Variants in MSN observed in about 807,000 individuals in gnomAD.
The protein encoded by MSN is moesin, also known as epididymis luminal protein 70.
In MSN, 2 loss-of-function variants were observed where a neutral mutation model predicts 48.0. The observed-to-expected ratio is 0.04, with a 90% confidence interval of 0.02 to 0.13. MSN has a LOEUF of 0.13. Ranked by LOEUF, MSN falls within the 10% of genes least tolerant of loss-of-function variation. The pLI, the probability that MSN is intolerant of heterozygous loss-of-function variation, is 1.00. For synonymous variants in MSN, 146 were observed against 166.9 expected, an observed-to-expected ratio of 0.87 and a Z score of 0.97; for missense variants, 267 against 470.1, an observed-to-expected ratio of 0.57 and a Z score of 3.99.
chrX:65,628,078 C>T (rs1476535240), intron 1 of MSN, among the ~76,000 whole-genome samples: 1 of 112,372 alleles, frequency 8.9e-6, no homozygotes, highest in Non-Finnish European at 1.9e-5. Flanking sequence ...GTACAGCCTC[C>T]CTCCTGGCTG....
intron 2 of MSN, among the ~76,000 whole-genome samples, chrX:65,718,148 A>G (rs781356166): frequency 1.3e-4 from 15 of 111,280 alleles, no homozygotes; most frequent in African/African-American, 4.9e-4. Flanking sequence ...TGACTATCAC[A>G]AAGCTCTGTG....
At chrX:65,653,519 G>A (rs1035508832) in intron 1 of MSN, among the ~76,000 whole-genome samples, 10 of 110,752 alleles carry the variant, frequency 9.0e-5, no homozygotes, top group East Asian at 2.8e-4. Flanking sequence ...TTTTAGGAAC[G>A]TAAGTGGTGG....
At chrX:65,698,448 A>G (rs1455518786) in intron 1 of MSN, among the ~76,000 whole-genome samples, 1 of 112,125 alleles carries the variant, frequency 8.9e-6, no homozygotes. Flanking sequence ...GCCCCAGTAG[A>G]TAATGGGCAG....
At chrX:65,673,826 G>A (rs2070968560) in intron 1 of MSN, among the ~76,000 whole-genome samples, 1 of 111,543 alleles carries the variant, frequency 9.0e-6, no homozygotes, top group South Asian at 3.7e-4. Flanking sequence ...TCCAGAAAAG[G>A]GAAAGGATTT....
chrX:65,614,839 T>C (rs1205086317), intron 1 of MSN, among the ~76,000 whole-genome samples: 2 of 84,029 alleles, frequency 2.4e-5, no homozygotes, highest in Non-Finnish European at 4.7e-5. Flanking sequence ...TATCTCCCGA[T>C]GCTATCCCTC....
At chrX:65,658,961 C>T (rs1195983272) in intron 1 of MSN, among the ~76,000 whole-genome samples, 2 of 108,676 alleles carry the variant, frequency 1.8e-5, no homozygotes, top group Non-Finnish European at 3.8e-5. Context: ...TCTCCTGCCT[C>T]AGCCTCCGGA....
chrX:65,731,944 G>A lies in MSN; in HGVS notation c.658G>A (p.Val220Met), dbSNP rs1473493317. 1 of 1,208,111 alleles carries A rather than the reference G, an allele frequency of 8.3e-7. No homozygotes were observed. Residue 220 changes from valine (V) to methionine (M), a missense_variant, in exon 6 of 13, where the codon GTG becomes ATG. Physicochemically the swap from Val to Met is conservative, Grantham distance 21 (BLOSUM62 1). Transcript: ENST00000360270. ...NKKGSELWLGVDALGLNIYEQ... is the reference protein window; with the variant it reads ...NKKGSELWLGMDALGLNIYEQ... ...GAAAGGCTCAGAGCTGTGGCTGGGGGTGGATGCCCTGGGTCTCAACATCTA... is the reference window on the plus strand; with the variant it reads ...GAAAGGCTCAGAGCTGTGGCTGGGGATGGATGCCCTGGGTCTCAACATCTA...
chrX:65,612,088 T>C (rs1159234954), intron 1 of MSN, among the ~76,000 whole-genome samples: 2 of 112,275 alleles, frequency 1.8e-5, no homozygotes, highest in African/African-American at 3.2e-5. Flanking sequence ...TCCAAAAGTG[T>C]GTTGGAAACT....
chrX:65,673,864 A>G lies in MSN; in HGVS notation c.12+6011A>G, dbSNP rs746109282. Among the ~76,000 whole-genome samples the G allele has an allele frequency of 1.3e-4, 15 of 111,709 alleles. No individual in the cohort carries two copies. The East Asian group carries it at 4.2e-3, about 31-fold the overall frequency. ...GTGAACTGGTGATAGTGCCAGGACT[A>G]AAACCTAACTTGCTTGGCTCCAGTG... is the stretch of plus-strand genomic sequence containing the variant. On this transcript the variant is annotated intron_variant, in intron 1 of 12. Coordinates refer to ENST00000360270, the MANE Select transcript of MSN (RefSeq NM_002444.3).
chrX:65,661,651 C>A (rs914703492), intron 1 of MSN, among the ~76,000 whole-genome samples: 2 of 112,130 alleles, frequency 1.8e-5, no homozygotes, highest in African/African-American at 6.5e-5. Context: ...GGAGCCCCAC[C>A]TCCTCAATTT....
In MSN at chrX:65,689,736, G is replaced by C. The variant is rs188092884; in HGVS notation, c.12+21883G>C. On this transcript the variant is annotated intron_variant, in intron 1 of 12. Transcript: ENST00000360270. ...AAATTGGGCCATAGAGACCATATGT[G>C]GCAAATGAAAAAAACAATTCACAAT... 9.0e-5 allele frequency among the ~76,000 whole-genome samples: 10 copies of C among 111,723 alleles called. No individual in the cohort carries two copies. The East Asian group carries it at 2.8e-3, about 31-fold the overall frequency.
intron 1 of MSN, among the ~76,000 whole-genome samples, chrX:65,604,024 G>T (rs1261351257): frequency 2.7e-5 from 3 of 112,151 alleles, no homozygotes; most frequent in Non-Finnish European, 5.6e-5. Context: ...TGGTTTAGGT[G>T]CTTTACATAG....
intron 1 of MSN, among the ~76,000 whole-genome samples, chrX:65,648,025 G>C (rs1034942496): frequency 1.8e-5 from 2 of 110,333 alleles, no homozygotes; most frequent in Admixed American, 1.9e-4. Flanking sequence ...ATTCGACTGG[G>C]CTGGGACCAG....
chrX:65,713,784 C>T (rs2071435945), intron 1 of MSN, among the ~76,000 whole-genome samples: 1 of 111,520 alleles, frequency 9.0e-6, no homozygotes, highest in Non-Finnish European at 1.9e-5. Flanking sequence ...CCTCCTCCCA[C>T]CCTCCACCTT....
At chrX:65,602,907 G>A (rs2070248910) in intron 1 of MSN, among the ~76,000 whole-genome samples, 1 of 111,247 alleles carries the variant, frequency 9.0e-6, no homozygotes, top group African/African-American at 3.3e-5. Flanking sequence ...AAAGACTACT[G>A]TAACTGGTAG....
intron 1 of MSN, among the ~76,000 whole-genome samples, chrX:65,688,633 G>A (rs1396026429): frequency 8.9e-6 from 1 of 111,814 alleles, no homozygotes; most frequent in African/African-American, 3.3e-5. Flanking sequence ...TTAAACATTT[G>A]GCCCTTCCCC....
intron 1 of MSN, among the ~76,000 whole-genome samples, chrX:65,609,327 G>C (rs1341160298): frequency 9.1e-6 from 1 of 110,402 alleles, no homozygotes; most frequent in Non-Finnish European, 1.9e-5. Context: ...CCTACCCTGG[G>C]CTCCGTTATT....
Position 65,740,031 on chromosome X carries a change from A to G in MSN, c.*138A>G. 1 of 694,050 alleles carries G rather than the reference A, an allele frequency of 1.4e-6. No homozygotes were observed. The highest frequency in any genetic ancestry group is 2.1e-6 in the Non-Finnish European group (1 of 483,060). 57.2% of individuals were successfully genotyped at this position (694,050 alleles called of 1,213,427 possible). A position where few individuals can be genotyped will look rare whatever the true frequency, so the allele number is the denominator to read the frequency against. ...GTCATGCCAAGCATTTAATGTAGCC[A>G]TGGGACCAAACCTAGCCCCTTAGCC... On this transcript the variant is annotated 3_prime_UTR_variant, in exon 13 of 13. Transcript: ENST00000360270.
At chrX:65,718,583 T>G (rs1014455447) in intron 2 of MSN, among the ~76,000 whole-genome samples, 20 of 110,879 alleles carry the variant, frequency 1.8e-4, no homozygotes, top group African/African-American at 6.2e-4. Flanking sequence ...ATCCTAACAC[T>G]GAGATGGGAG....
Sources: allele counts gnomAD v4.1 joint callset (sites outside exome capture counted in the v4.1 genomes callset), GRCh38; gene constraint gnomAD v4.1.1; transcripts MANE v1.5; gene names NCBI Gene and HGNC (gene_info 2026-07-23, HGNC 2026-07-21).